TMOD1: variants seen among roughly 807,000 people sequenced by gnomAD.
TMOD1 encodes tropomodulin 1.
Under a neutral mutation model 40.6 loss-of-function variants are expected in TMOD1, and 17 were observed. That is an observed-to-expected ratio of 0.42 (90% CI 0.29 to 0.63). The LOEUF (loss-of-function observed/expected upper bound fraction) is 0.63, where lower values mean the gene tolerates loss of function less well. Ranked by LOEUF, TMOD1 falls within the 20% of genes least tolerant of loss-of-function variation. The pLI is 0.22. For synonymous variants in TMOD1, 181 were observed against 175.0 expected (o/e 1.03, Z -0.27); for missense variants, 391 against 447.6 (o/e 0.87, Z 1.14).
intron 9 of TMOD1, among the ~76,000 whole-genome samples, chr9:97,591,938 T>TTAATTAAAGGTA (rs1226044336): frequency 2.0e-5 from 3 of 152,174 alleles, no homozygotes; most frequent in Non-Finnish European, 2.9e-5. Context: ...AAGTAGGGTA[T>TTAATTAAAGGTA]ATTAATGTAA....
chr9:97,551,014 ATTTTTTTTTTTT>A lies in TMOD1; in HGVS notation c.278-2250_278-2239del, dbSNP rs55700746. Among the ~76,000 whole-genome samples the A allele has an allele frequency of 1.7e-3, 176 of 104,244 alleles. 2 individuals carry two copies. Among genetic ancestry groups the A allele is most frequent in the African/African-American group, 4.9e-3 (113 of 23,188 alleles). 68.4% of individuals were successfully genotyped at this position (104,244 alleles called of 152,430 possible). ...ATTTTATATATATATATATATATAT[ATTTTTTTTTTTT>A]TTTTTTTTTTTTTTTTAGATGGAGT... On this transcript the variant is annotated intron_variant, in intron 3 of 9. Transcript: ENST00000259365.
intron 1 of TMOD1, among the ~76,000 whole-genome samples, chr9:97,521,583 C>T (rs763817103): frequency 2.9e-4 from 44 of 152,116 alleles, no homozygotes; most frequent in Non-Finnish European, 4.6e-4. Flanking sequence ...TCGTCGATAC[C>T]AGAGCACTGT....
intron 2 of TMOD1, among the ~76,000 whole-genome samples, chr9:97,539,762 C>T (rs1357964753): frequency 1.3e-5 from 2 of 151,952 alleles, no homozygotes; most frequent in South Asian, 2.1e-4. Flanking sequence ...GTCAGGAGAT[C>T]GAGACCATCC....
intron 8 of TMOD1, 104 bp downstream of exon 8, chr9:97,569,141 G>A (rs1830779727): frequency 1.4e-6 from 2 of 1,462,136 alleles, no homozygotes; most frequent in African/African-American, 1.4e-5. Context: ...GATGATAGAA[G>A]CTCAGAGCCC....
chr9:97,570,745 A>G (rs185472857), intron 8 of TMOD1, among the ~76,000 whole-genome samples: 70 of 152,280 alleles, frequency 4.6e-4, no homozygotes, highest in Non-Finnish European at 6.9e-4. Context: ...CCTGGTAAGT[A>G]AGTTTGCCCT....
intron 9 of TMOD1, among the ~76,000 whole-genome samples, chr9:97,594,526 G>C (rs985353100): frequency 6.6e-6 from 1 of 152,182 alleles, no homozygotes; most frequent in Non-Finnish European, 1.5e-5. Flanking sequence ...GGCCTCTCAG[G>C]CCTCCTGCTC....
At chr9:97,545,912 T>A (rs1830352696) in intron 2 of TMOD1, among the ~76,000 whole-genome samples, 1 of 152,150 alleles carries the variant, frequency 6.6e-6, no homozygotes, top group Non-Finnish European at 1.5e-5. Context: ...CCTTCAAAAA[T>A]GTTAGAGGCA....
chr9:97,597,178 C>G (rs186975555), intron 9 of TMOD1, among the ~76,000 whole-genome samples: 38 of 152,326 alleles, frequency 2.5e-4, no homozygotes, highest in African/African-American at 9.1e-4. Context: ...GTCTCTGGCT[C>G]TTGCAATAAG....
intron 8 of TMOD1, among the ~76,000 whole-genome samples, chr9:97,586,569 C>G (rs1349045297): frequency 2.6e-5 from 4 of 151,902 alleles, no homozygotes; most frequent in African/African-American, 7.3e-5. Context: ...TTTACCTAAT[C>G]AAGCCTGGGC....
At chr9:97,558,666 A>C (rs1326671884) in intron 4 of TMOD1, among the ~76,000 whole-genome samples, 2 of 151,286 alleles carry the variant, frequency 1.3e-5, no homozygotes, top group African/African-American at 4.9e-5. Context: ...CTGGTCTTGA[A>C]CTCCTGGCCT....
At chr9:97,563,938 G>T in intron 5 of TMOD1, 100 bp from the exon 6 acceptor site, 1 of 1,443,906 alleles carries the variant, frequency 6.9e-7, no homozygotes, top group Non-Finnish European at 9.3e-7. Flanking sequence ...GCCCTCACGT[G>T]CCCCAACCCT....
intron 1 of TMOD1, chr9:97,516,432 C>T (rs1231777908): frequency 2.0e-5 from 3 of 152,800 alleles, no homozygotes; most frequent in Non-Finnish European, 4.4e-5. Context: ...GTGAGGTGCG[C>T]TTTAAAGACA....
intron 4 of TMOD1, chr9:97,555,361 C>A: frequency 8.1e-7 from 1 of 1,232,702 alleles, no homozygotes; most frequent in Non-Finnish European, 1.0e-6. Context: ...CCTCCAATCA[C>A]GCTTCATGAC....
In TMOD1 at chr9:97,591,427, A is replaced by G. The variant is rs369252027; in HGVS notation, c.1007A>G (p.Asn336Ser). The change falls in exon 9 of 10, where the codon AAT becomes AGT. Residue 336 changes from asparagine to serine, a missense_variant. Physicochemically the swap from Asn to Ser is conservative, Grantham distance 46. Transcript: ENST00000259365. ...GCATCCAACGCAATGATGAACAACA[A>G]TGACCTTGGTGAGTAGAAATATGCT... ...LRASNAMMNN[N>S]DLVRKRRLAD... 9.9e-6 allele frequency: 16 copies of G among 1,614,020 alleles called. No homozygotes were observed. In the East Asian group the frequency reaches 1.6e-4, roughly 16 times the overall value.
At chr9:97,596,468 GC>G (rs1826113646) in intron 9 of TMOD1, among the ~76,000 whole-genome samples, 1 of 152,158 alleles carries the variant, frequency 6.6e-6, no homozygotes, top group Non-Finnish European at 1.5e-5. Context: ...CATCTCACTA[GC>G]TCATGTAGTC....
At chr9:97,519,450 C>T (rs113856526) in intron 1 of TMOD1, among the ~76,000 whole-genome samples, 294 of 152,284 alleles carry the variant, frequency 1.9e-3, no homozygotes, top group Middle Eastern at 6.8e-3. Flanking sequence ...AATATATTTA[C>T]CTGTCCTTTT....
At chr9:97,528,236 C>T (rs16921526) in intron 2 of TMOD1, among the ~76,000 whole-genome samples, 4,682 of 152,130 alleles carry the variant, frequency 0.031, 118 homozygotes, top group African/African-American at 0.064. Context: ...AACTTGCTGA[C>T]GGTCGCAGGA....
In TMOD1 at chr9:97,527,670, C is replaced by A. The variant is rs377077594; in HGVS notation, c.120+3362C>A. Among the ~76,000 whole-genome samples the A allele has an allele frequency of 5.9e-5, 9 of 152,284 alleles. No homozygotes were observed. The South Asian group carries it at 1.9e-3, about 32-fold the overall frequency. ...GGGGAAGAGGGGGCGGCAAGGCCGACTGACGGGTTTAGACTTTGCTCAGTG... is the reference window on the plus strand; with the variant it reads ...GGGGAAGAGGGGGCGGCAAGGCCGAATGACGGGTTTAGACTTTGCTCAGTG... On this transcript the variant is annotated intron_variant, in intron 2 of 9. Coordinates refer to ENST00000259365, the MANE Select transcript of TMOD1 (RefSeq NM_003275.4).
chr9:97,510,370 A>G (rs910920476), intron 1 of TMOD1, among the ~76,000 whole-genome samples: 1 of 152,092 alleles, frequency 6.6e-6, no homozygotes, highest in Non-Finnish European at 1.5e-5. Flanking sequence ...AGCTGGAATT[A>G]CAGGTGCCCA....
Sources: gnomAD v4.1 joint callset for allele counts (sites outside exome capture counted in the v4.1 genomes callset) on GRCh38, gnomAD v4.1.1 for gene constraint, MANE v1.5 for transcripts, NCBI Gene and HGNC (gene_info 2026-07-23, HGNC 2026-07-21) for gene names.